ERC1: variants seen among roughly 807,000 people sequenced by gnomAD.
The protein encoded by ERC1 is RAB6 interacting protein 2.
ERC1 carries 56 observed loss-of-function variants against 132.0 expected under a neutral mutation model. The observed-to-expected ratio is 0.42, with a 90% CI of 0.34 to 0.53. ERC1 has a LOEUF of 0.53. ERC1 is among the 20% of genes least tolerant of loss of function. The pLI, the probability that ERC1 is intolerant of heterozygous loss-of-function variation, is 0.03. For missense variants in ERC1, 1,202 were observed against 1,349.9 expected (o/e 0.89, Z 1.72); for synonymous variants, 478 against 476.1 (o/e 1.00, Z -0.05).
intron 13 of ERC1, among the ~76,000 whole-genome samples, chr12:1,255,782 A>G (rs1703998375): frequency 6.7e-6 from 1 of 150,334 alleles, no homozygotes; most frequent in South Asian, 2.1e-4. Context: ...ACAGGCACCC[A>G]CCACCACTCC....
chr12:1,407,636 G>A (rs1448700524), intron 16 of ERC1, among the ~76,000 whole-genome samples: 1 of 152,110 alleles, frequency 6.6e-6, no homozygotes, highest in Non-Finnish European at 1.5e-5. Context: ...AGCCCAAGCT[G>A]CCATAATAAA....
At chr12:1,235,396 T>A (rs2075345911) in intron 12 of ERC1, among the ~76,000 whole-genome samples, 1 of 152,176 alleles carries the variant, frequency 6.6e-6, no homozygotes. Flanking sequence ...GATGAAAAGA[T>A]GTAAAGAAAT....
At chr12:1,477,083 G>A (rs113014053) in intron 18 of ERC1, among the ~76,000 whole-genome samples, 5 of 152,120 alleles carry the variant, frequency 3.3e-5, no homozygotes, top group African/African-American at 1.2e-4. Flanking sequence ...CTGAAACTCA[G>A]TAGAAAAAGA....
intron 18 of ERC1, among the ~76,000 whole-genome samples, chr12:1,470,894 T>C (rs1490511199): frequency 1.3e-5 from 2 of 152,254 alleles, no homozygotes; most frequent in African/African-American, 4.8e-5. Flanking sequence ...GCTTGTTCTT[T>C]GAGTGGGATA....
intron 8 of ERC1, among the ~76,000 whole-genome samples, chr12:1,155,769 C>A (rs1951329585): frequency 6.6e-6 from 1 of 151,928 alleles, no homozygotes; most frequent in African/African-American, 2.4e-5. Context: ...CCGCGCCCTG[C>A]TGATAAGTAT....
intron 1 of ERC1, among the ~76,000 whole-genome samples, chr12:1,003,987 A>G (rs185571056): frequency 8.1e-4 from 124 of 152,290 alleles, no homozygotes; most frequent in African/African-American, 2.3e-3. Flanking sequence ...TGAAGGTTCA[A>G]TGCCTTGTCA....
chr12:1,316,793 T>C (rs1400528175), intron 15 of ERC1, among the ~76,000 whole-genome samples: 1 of 152,230 alleles, frequency 6.6e-6, no homozygotes, highest in Non-Finnish European at 1.5e-5. Flanking sequence ...CGTATGTTTA[T>C]TGCAGCACTG....
At chr12:1,181,768 AGC>A (rs960336763) in intron 9 of ERC1, among the ~76,000 whole-genome samples, 155 bp from the exon 10 acceptor site, 1 of 149,434 alleles carries the variant, frequency 6.7e-6, no homozygotes, top group African/African-American at 2.5e-5. Flanking sequence ...AGGCAACAAG[AGC>A]GAAACTCTGT....
At chr12:1,346,785 A>G (rs2084502194) in intron 15 of ERC1, among the ~76,000 whole-genome samples, 1 of 150,884 alleles carries the variant, frequency 6.6e-6, no homozygotes, top group Non-Finnish European at 1.5e-5. Context: ...TACTAAAAAT[A>G]CAAAAAATTA....
chr12:1,379,331 A>C (rs1335820058), intron 16 of ERC1, among the ~76,000 whole-genome samples: 1 of 152,196 alleles, frequency 6.6e-6, no homozygotes, highest in Non-Finnish European at 1.5e-5. Flanking sequence ...CTGGTACTGC[A>C]TATCAAGGAT....
At chr12:1,335,737 G>A (rs761575943) in intron 15 of ERC1, among the ~76,000 whole-genome samples, 6 of 152,072 alleles carry the variant, frequency 3.9e-5, no homozygotes, top group East Asian at 1.9e-4. Flanking sequence ...TGCCGACCTC[G>A]TAGAATTAGT....
chr12:1,144,352 A>G (rs1255459465), intron 8 of ERC1, among the ~76,000 whole-genome samples: 1 of 152,124 alleles, frequency 6.6e-6, no homozygotes, highest in Non-Finnish European at 1.5e-5. Flanking sequence ...TGCACCCATC[A>G]CCTGAACAGT....
At chr12:1,445,879 G>A (rs1198754999) in intron 18 of ERC1, among the ~76,000 whole-genome samples, 1 of 152,192 alleles carries the variant, frequency 6.6e-6, no homozygotes, top group African/African-American at 2.4e-5. Context: ...CTAAAACAAA[G>A]TAACACAGAC....
At chr12:1,060,175 C>CTTTTTTTTTTTTTTTTTTTTTTTTT (rs563850203) in intron 2 of ERC1, among the ~76,000 whole-genome samples, 2 of 144,176 alleles carry the variant, frequency 1.4e-5, no homozygotes, top group Non-Finnish European at 1.5e-5. Context: ...AAGGCCACTT[C>CTTTTTTTTTTTTTTTTTTTTTTTTT]TTTTTTTTTT....
intron 7 of ERC1, among the ~76,000 whole-genome samples, chr12:1,130,628 T>C (rs1948667645): frequency 3.7e-5 from 2 of 54,626 alleles, no homozygotes; most frequent in Non-Finnish European, 4.5e-5. Flanking sequence ...GCGAAACGTA[T>C]AGTCTTTTTT....
At chr12:1,373,186 T>C (rs2087453841) in intron 16 of ERC1, among the ~76,000 whole-genome samples, 1 of 152,238 alleles carries the variant, frequency 6.6e-6, no homozygotes, top group African/African-American at 2.4e-5. Flanking sequence ...ATGTGCTTAT[T>C]ATGAAAGACA....
chr12:1,402,892 T>C (rs76574651), intron 16 of ERC1, among the ~76,000 whole-genome samples: 1,907 of 152,046 alleles, frequency 0.013, 42 homozygotes, highest in African/African-American at 0.043. Flanking sequence ...TTCTGGTTAA[T>C]AGAACCTGCA....
chr12:1,172,453 G>A (rs1001515883), intron 8 of ERC1, among the ~76,000 whole-genome samples: 2 of 152,266 alleles, frequency 1.3e-5, no homozygotes, highest in Non-Finnish European at 2.9e-5. Context: ...TGGTGACAGA[G>A]CAAGACCCTG....
At chr12:1,126,986 C>CAAAAAAAAAAAAAAAA (rs71055135) in intron 7 of ERC1, among the ~76,000 whole-genome samples, 60 of 114,158 alleles carry the variant, frequency 5.3e-4, no homozygotes, top group Non-Finnish European at 8.1e-4. Flanking sequence ...GATTCTGTCT[C>CAAAAAAAAAAAAAAAA]AAAAAAAAAA....
Sources: gnomAD v4.1 joint callset for allele counts (sites outside exome capture counted in the v4.1 genomes callset) on GRCh38, gnomAD v4.1.1 for gene constraint, MANE v1.5 for transcripts, NCBI Gene and HGNC (gene_info 2026-07-23, HGNC 2026-07-21) for gene names.